Variants in SCML2 observed in about 807,000 individuals in gnomAD.
SCML2 encodes the protein Scm polycomb group protein like 2, also known as sex comb on midleg-like protein 2.
Under a neutral mutation model 48.4 loss-of-function variants are expected in SCML2, and 6 were observed. The ratio of observed to expected loss-of-function variants is 0.12; its 90% CI spans 0.07 to 0.24. The LOEUF is 0.24. Among genes scored for constraint, SCML2 ranks in the 10% least tolerant of loss-of-function variants. The probability of loss-of-function intolerance (pLI) is 1.00; values close to 1 mark genes in which losing one functional copy is unlikely to be tolerated. For synonymous variants in SCML2, 181 were observed against 189.5 expected (o/e 0.95, Z 0.37); for missense variants, 377 against 528.2 (o/e 0.71, Z 2.81).
chrX:18,340,940 A>C (rs1172763396), intron 1 of SCML2, among the ~76,000 whole-genome samples: 6 of 112,072 alleles, frequency 5.4e-5, no homozygotes, highest in Non-Finnish European at 1.1e-4. Flanking sequence ...GCTTTTTGAT[A>C]ATGTTTGATC....
intron 1 of SCML2, among the ~76,000 whole-genome samples, chrX:18,351,953 T>C (rs1466432531): frequency 1.8e-5 from 2 of 111,653 alleles, no homozygotes; most frequent in African/African-American, 3.3e-5. Flanking sequence ...CCATCATTAA[T>C]TATTTCTCAG....
chrX:18,282,300 T>C (rs1265981103), intron 7 of SCML2, among the ~76,000 whole-genome samples: 2 of 110,291 alleles, frequency 1.8e-5, no homozygotes, highest in Non-Finnish European at 3.8e-5. Flanking sequence ...ACGTTACAAT[T>C]GATCCCACAG....
intron 1 of SCML2, among the ~76,000 whole-genome samples, chrX:18,349,422 A>C (rs1366338373): frequency 8.9e-6 from 1 of 112,584 alleles, no homozygotes; most frequent in East Asian, 2.8e-4. Flanking sequence ...GATGAACAGC[A>C]CCATCATATT....
At chrX:18,269,300 T>A (rs1927366987) in intron 7 of SCML2, among the ~76,000 whole-genome samples, 1 of 111,290 alleles carries the variant, frequency 9.0e-6, no homozygotes, top group Admixed American at 9.6e-5. Flanking sequence ...GTTTCCCCCA[T>A]GCTGTTCTCG....
At chrX:18,284,668 A>G (rs1222727855) in intron 7 of SCML2, among the ~76,000 whole-genome samples, 1 of 112,575 alleles carries the variant, frequency 8.9e-6, no homozygotes, top group Non-Finnish European at 1.9e-5. Context: ...ATCACTAATT[A>G]TCAGAGAAAT....
At chrX:18,311,416 G>A (rs1232411976) in intron 6 of SCML2, among the ~76,000 whole-genome samples, 2 of 110,020 alleles carry the variant, frequency 1.8e-5, no homozygotes, top group Middle Eastern at 4.9e-3. Context: ...GAGAGAGAGA[G>A]AACAGCACAA....
At chrX:18,309,234 C>T (rs1016727874) in intron 6 of SCML2, among the ~76,000 whole-genome samples, 1 of 107,103 alleles carries the variant, frequency 9.3e-6, no homozygotes, top group African/African-American at 3.4e-5. Context: ...AATGAGATAC[C>T]ATCTCACACC....
At position 18,241,297 on chromosome X, in the gene SCML2, T is replaced by C; in HGVS notation, c.2057A>G (p.Lys686Arg). 8.3e-7 allele frequency: 1 copy of C among 1,203,727 alleles called. No homozygotes were observed. Among genetic ancestry groups the C allele is most frequent in the Non-Finnish European group, 1.1e-6 (1 of 890,645 alleles). ...AAGCTTTTCAATGTAGTAACACAGC[T>C]TTAATGCTGGCCCCAGCTTCAGCCC... ...YMGLKLGPAL[K>R]LCYYIEKLKE... is the part of the protein sequence containing the mutation. Residue 686 changes from lysine (K) to arginine (R), a missense_variant, in exon 15 of 15, where the codon AAG (lysine) becomes AGG (arginine). Lys to Arg is a conservative substitution (Grantham distance 26). Around this residue, in one of 3 missense-constraint regions of SCML2, gnomAD observed 299 missense variants for 425.5 expected, o/e 0.70. Transcript: ENST00000251900.
chrX:18,333,671 T>C (rs1344171868), intron 2 of SCML2, among the ~76,000 whole-genome samples: 1 of 111,877 alleles, frequency 8.9e-6, no homozygotes, highest in African/African-American at 3.2e-5. Flanking sequence ...ATGTAAAGAA[T>C]GTATTATGGG....
At chrX:18,269,544 G>A (rs1927377433) in intron 7 of SCML2, among the ~76,000 whole-genome samples, 1 of 111,559 alleles carries the variant, frequency 9.0e-6, no homozygotes, top group Non-Finnish European at 1.9e-5. Context: ...TATGAAAACA[G>A]ACTAACACAA....
chrX:18,348,210 G>A (rs1019303391), intron 1 of SCML2, among the ~76,000 whole-genome samples: 1 of 112,060 alleles, frequency 8.9e-6, no homozygotes, highest in African/African-American at 3.2e-5. Context: ...TGAAGGACTT[G>A]AGTTAATGGC....
At chrX:18,315,879 G>T (rs1929105359) in intron 6 of SCML2, among the ~76,000 whole-genome samples, 1 of 109,626 alleles carries the variant, frequency 9.1e-6, no homozygotes, top group Non-Finnish European at 1.9e-5. Flanking sequence ...CTTGTCATTC[G>T]TTCCCAAATA....
chrX:18,295,435 C>G (rs1454896958), intron 7 of SCML2, among the ~76,000 whole-genome samples: 1 of 112,363 alleles, frequency 8.9e-6, no homozygotes. Flanking sequence ...CAGCCAGCAC[C>G]CACTGGCACA....
intron 1 of SCML2, among the ~76,000 whole-genome samples, chrX:18,353,382 A>C (rs769677026): frequency 1.8e-5 from 2 of 112,310 alleles, no homozygotes; most frequent in Admixed American, 1.9e-4. Context: ...CAAAACAGAA[A>C]TATGAATAGC....
intron 6 of SCML2, among the ~76,000 whole-genome samples, chrX:18,318,188 G>A (rs1245340582): frequency 6.2e-5 from 7 of 112,439 alleles, no homozygotes; most frequent in African/African-American, 2.3e-4. Flanking sequence ...CTTACCACTG[G>A]CCAAAGGGCC....
intron 7 of SCML2, among the ~76,000 whole-genome samples, chrX:18,298,019 G>GAGA (rs1216004880): frequency 9.1e-6 from 1 of 109,722 alleles, no homozygotes; most frequent in Non-Finnish European, 1.9e-5. Context: ...AAAAAAAAGA[G>GAGA]AGAAGAAGAA....
chrX:18,270,027 A>ATTT (rs1409778677), intron 7 of SCML2, among the ~76,000 whole-genome samples: 1 of 25,370 alleles, frequency 3.9e-5, no homozygotes, highest in African/African-American at 1.8e-4. Flanking sequence ...AAGTACTATA[A>ATTT]ATTTTTTTTT....
At chrX:18,273,826 TGAG>T (rs1391123892) in intron 7 of SCML2, among the ~76,000 whole-genome samples, 2 of 106,659 alleles carry the variant, frequency 1.9e-5, no homozygotes, top group East Asian at 5.9e-4. Flanking sequence ...GCTGGCAGAG[TGAG>T]GAGAAGTAGC....
intron 7 of SCML2, among the ~76,000 whole-genome samples, chrX:18,303,549 A>C (rs1464218377): frequency 1.8e-5 from 2 of 111,854 alleles, no homozygotes; most frequent in South Asian, 3.7e-4. Context: ...ACTTTGGGCC[A>C]CCTCCACATC....
Sources: gnomAD v4.1 joint callset for allele counts (sites outside exome capture counted in the v4.1 genomes callset) on GRCh38, gnomAD v4.1.1 for gene constraint, gnomAD v4.1.1 regional missense constraint, MANE v1.5 for transcripts, NCBI Gene and HGNC (gene_info 2026-07-23, HGNC 2026-07-21) for gene names.